Variants in FGF14 observed in about 807,000 individuals in gnomAD.
FGF14 encodes fibroblast growth factor 14, also known as fibroblast growth factor homologous factor 4.
A neutral mutation model predicts 25.5 loss-of-function variants in FGF14; 5 were observed. The ratio of observed to expected loss-of-function variants is 0.20; its 90% confidence interval spans 0.10 to 0.41. The LOEUF (loss-of-function observed/expected upper bound fraction) is 0.41. Ranked by LOEUF, FGF14 falls within the 10% of genes least tolerant of loss-of-function variation. The pLI is 1.00. For missense variants in FGF14, 222 were observed against 320.1 expected (o/e 0.69, Z 2.34); for synonymous variants, 138 against 118.3 (o/e 1.17, Z -1.08).
chr13:102,020,592 G>A (rs1566580489), intron 1 of FGF14, among the ~76,000 whole-genome samples: 1 of 151,980 alleles, frequency 6.6e-6, no homozygotes, highest in Non-Finnish European at 1.5e-5. Flanking sequence ...AAAAGAGAGA[G>A]AGAGAAGAGC....
upstream of FGF14, among the ~76,000 whole-genome samples, chr13:101,917,194 C>T (rs1449861376): frequency 4.6e-5 from 7 of 151,870 alleles, no homozygotes; most frequent in East Asian, 5.8e-4. Context: ...CGCCCGCTCT[C>T]GGCTTCTGCC....
chr13:101,949,732 A>G (rs1028756691), intron 1 of FGF14, among the ~76,000 whole-genome samples: 1 of 152,148 alleles, frequency 6.6e-6, no homozygotes, highest in African/African-American at 2.4e-5. Context: ...GGGATACACT[A>G]AGTTTTCACC....
At chr13:101,794,034 C>G (rs1279122050) in intron 3 of FGF14, among the ~76,000 whole-genome samples, 1 of 152,048 alleles carries the variant, frequency 6.6e-6, no homozygotes, top group Non-Finnish European at 1.5e-5. Context: ...GTCACATCAG[C>G]AATTCAAGCA....
At chr13:102,027,452 T>C (rs987701015) in intron 1 of FGF14, among the ~76,000 whole-genome samples, 1 of 152,154 alleles carries the variant, frequency 6.6e-6, no homozygotes, top group East Asian at 1.9e-4. Context: ...ATACTCTTTC[T>C]ACTATCCTAA....
chr13:101,896,563 A>G (rs1428349065), intron 1 of FGF14, among the ~76,000 whole-genome samples: 1 of 152,222 alleles, frequency 6.6e-6, no homozygotes, highest in East Asian at 1.9e-4. Context: ...GAAAACATTA[A>G]TGCTTTTAAC....
intron 1 of FGF14, among the ~76,000 whole-genome samples, chr13:102,043,211 C>T (rs924915168): frequency 6.6e-6 from 1 of 152,168 alleles, no homozygotes; most frequent in African/African-American, 2.4e-5. Flanking sequence ...TTGATATTGA[C>T]TCCTTTATTA....
At chr13:102,092,275 T>C (rs761525716) in intron 1 of FGF14, among the ~76,000 whole-genome samples, 40 of 152,230 alleles carry the variant, frequency 2.6e-4, no homozygotes, top group Admixed American at 9.2e-4. Context: ...ATACAAGATA[T>C]GAAAATATTC....
chr13:102,171,552 A>C (rs1484428627), intron 1 of FGF14, among the ~76,000 whole-genome samples: 3 of 152,176 alleles, frequency 2.0e-5, no homozygotes, highest in African/African-American at 7.2e-5. Flanking sequence ...GAATAAATAG[A>C]AGAAAATAAA....
At chr13:101,821,763 G>A (rs566171374) in intron 3 of FGF14, among the ~76,000 whole-genome samples, 2 of 152,266 alleles carry the variant, frequency 1.3e-5, no homozygotes, top group South Asian at 4.1e-4. Context: ...TCAGTTTGTG[G>A]TATTTTAATG....
At chr13:101,862,435 C>T (rs2044473058) in intron 3 of FGF14, among the ~76,000 whole-genome samples, 1 of 151,988 alleles carries the variant, frequency 6.6e-6, no homozygotes, top group Non-Finnish European at 1.5e-5. Flanking sequence ...TAAAATGTCA[C>T]TGGAATCTGG....
intron 1 of FGF14, among the ~76,000 whole-genome samples, chr13:102,285,097 G>T (rs186516790): frequency 1.4e-4 from 22 of 152,262 alleles, no homozygotes; most frequent in Admixed American, 1.4e-3. Flanking sequence ...TTTAGAAATT[G>T]CAGCCACAAG....
At chr13:102,208,021 C>A (rs531454706) in intron 1 of FGF14, among the ~76,000 whole-genome samples, 14 of 152,270 alleles carry the variant, frequency 9.2e-5, no homozygotes, top group African/African-American at 3.4e-4. Context: ...GGGACTCTCA[C>A]TTCATTAAAA....
chr13:102,229,520 T>C (rs1297948989), intron 1 of FGF14, among the ~76,000 whole-genome samples: 1 of 152,160 alleles, frequency 6.6e-6, no homozygotes, highest in Non-Finnish European at 1.5e-5. Flanking sequence ...GTATAAAAGA[T>C]CCTAAAGTTG....
chr13:102,172,019 G>A (rs971854295), intron 1 of FGF14, among the ~76,000 whole-genome samples: 7 of 149,668 alleles, frequency 4.7e-5, no homozygotes, highest in East Asian at 2.0e-4. Flanking sequence ...TAGTAGGGAC[G>A]GAGTCTCACT....
At chr13:101,759,558 T>A (rs2037876563) in intron 3 of FGF14, among the ~76,000 whole-genome samples, 1 of 152,168 alleles carries the variant, frequency 6.6e-6, no homozygotes, top group Non-Finnish European at 1.5e-5. Context: ...ATTCTTAACA[T>A]CTGATCCCTA....
rs1315578971 is a variant in FGF14, at chr13:101,744,802, T to C, written c.409-17992A>G. ...TTATTTCATTTTACTTATTAACACATGCGTGTATGTTCATTCGGTTAGCAT... is the reference window on the plus strand; with the variant it reads ...TTATTTCATTTTACTTATTAACACACGCGTGTATGTTCATTCGGTTAGCAT... On this transcript the variant is annotated intron_variant, in intron 3 of 4. Transcript: ENST00000376143. Among the ~76,000 whole-genome samples the C allele has an allele frequency of 2.0e-5, 3 of 152,106 alleles. No individual in the cohort carries two copies. In the East Asian group the frequency reaches 5.8e-4, roughly 29 times the overall value.
chr13:102,014,455 T>C (rs939804802), intron 1 of FGF14, among the ~76,000 whole-genome samples: 4 of 152,102 alleles, frequency 2.6e-5, no homozygotes, highest in Non-Finnish European at 5.9e-5. Flanking sequence ...AGTGATAAGA[T>C]TGTGTCTATA....
chr13:101,817,295 A>C (rs1327142362), intron 3 of FGF14, among the ~76,000 whole-genome samples: 1 of 152,238 alleles, frequency 6.6e-6, no homozygotes, highest in East Asian at 1.9e-4. Flanking sequence ...TTTAATACAA[A>C]CATGTGAAGT....
chr13:102,038,874 G>A (rs1005237976), intron 1 of FGF14, among the ~76,000 whole-genome samples: 1 of 151,846 alleles, frequency 6.6e-6, no homozygotes, highest in African/African-American at 2.4e-5. Flanking sequence ...TAGCTTCTAG[G>A]AAAAACTTTC....
Sources: gnomAD v4.1 joint callset for allele counts (sites outside exome capture counted in the v4.1 genomes callset) on GRCh38, gnomAD v4.1.1 for gene constraint, MANE v1.5 for transcripts, NCBI Gene and HGNC (gene_info 2026-07-23, HGNC 2026-07-21) for gene names.